Variants in SPTB observed in about 807,000 individuals in gnomAD.
The protein encoded by SPTB is spectrin beta, erythrocytic.
A neutral mutation model predicts 256.2 loss-of-function variants in SPTB; 45 were observed. The observed-to-expected ratio is 0.18, with a 90% CI of 0.14 to 0.23. SPTB has a LOEUF of 0.23. SPTB is among the 10% of genes least tolerant of loss of function. The pLI is 1.00. For synonymous variants in SPTB, 1,231 were observed against 1,243.1 expected (o/e 0.99, Z 0.21); for missense variants, 2,715 against 3,040.4 (o/e 0.89, Z 2.52).
At chr14:64,791,663 AGT>A in intron 15 of SPTB, 54 bp downstream of exon 15, 1 of 1,601,174 alleles carries the variant, frequency 6.2e-7, no homozygotes. Context: ...GGCCCCCAGC[AGT>A]GTGTCAGATG....
rs201491364 is a variant in SPTB, at chr14:64,769,773, C to G, written c.5799-45G>C. 5 of 1,613,454 alleles carry G rather than the reference C, an allele frequency of 3.1e-6. No individual in the cohort carries two copies. The East Asian group carries it at 1.1e-4, about 36-fold the overall frequency. ...GGGAAGAAGGGAACTCTGGGTCACT[C>G]TGGCCTGCCTCTGTGTCCCAACCAG... On this transcript the variant is annotated intron_variant, in intron 27 of 35. Coordinates refer to ENST00000644917, the MANE Select transcript of SPTB (RefSeq NM_001355436.2).
At chr14:64,867,698 A>G in intron 1 of SPTB, among the ~76,000 whole-genome samples, 1 of 152,046 alleles carries the variant, frequency 6.6e-6, no homozygotes, top group East Asian at 1.9e-4. Context: ...TACTAAAAAT[A>G]CAAAAATTAC....
intron 1 of SPTB, among the ~76,000 whole-genome samples, chr14:64,870,302 C>T (rs901102146): frequency 6.6e-6 from 1 of 150,854 alleles, no homozygotes; most frequent in African/African-American, 2.4e-5. Flanking sequence ...CAATCACACA[C>T]ACAAAAAGCC....
At position 64,785,324 on chromosome 14, in the gene SPTB, A is replaced by T. The variant is rs527557959; in HGVS notation, c.3855+213T>A. Among the ~76,000 whole-genome samples, 1 of 152,026 alleles carries T rather than the reference A, an allele frequency of 6.6e-6. No individual in the cohort carries two copies. The highest frequency in any genetic ancestry group is 2.1e-4 in the South Asian group (1 of 4,800). On this transcript the variant is annotated intron_variant, in intron 18 of 35. Transcript: ENST00000644917. The surrounding 1 kb of genome is among the most constrained non-coding windows in gnomAD (Gnocchi z 4.4). ...CTTAAGAAACTCTGGCCTAGACTTG[A>T]CAGGTTAAGGATGACTTTTCAGATT...
rs781286844 is a variant in SPTB, at chr14:64,774,475, G to A, written c.4895C>T (p.Ala1632Val). ...GATGTTCCGGCCGTAGTCCTCCACC[G>A]CACGCTGCTGCCGCAAATGTCGCTT... ...MLKRHLRQQR[A>V]VEDYGRNIKQ... The change falls in exon 24 of 36, where the codon GCG becomes GTG. Residue 1632 changes from alanine (A) to valine (V), a missense_variant. This residue lies in a region of SPTB where 2,239 missense variants were observed against 2,384.4 expected (regional missense o/e 0.94). Transcript: ENST00000644917. 4.9e-5 allele frequency: 77 copies of A among 1,556,626 alleles called. No individual in the cohort carries two copies. The highest frequency in any genetic ancestry group is 6.8e-5 in the African/African-American group (5 of 73,338).
chr14:64,864,145 T>C (rs1273665929), intron 1 of SPTB, among the ~76,000 whole-genome samples: 1 of 152,144 alleles, frequency 6.6e-6, no homozygotes, highest in African/African-American at 2.4e-5. Context: ...GCATAAGATA[T>C]TACACAGCTG....
Position 64,795,493 on chromosome 14 carries a change from C to G in SPTB, c.1488G>C (p.Gln496His), listed in dbSNP as rs2082750924. Residue 496 changes from glutamine (Q) to histidine (H), a missense_variant, in exon 12 of 36, where the codon CAG becomes CAC. This residue lies in a region of SPTB where 2,239 missense variants were observed against 2,384.4 expected (regional missense o/e 0.94). Coordinates refer to ENST00000644917, the MANE Select transcript of SPTB (RefSeq NM_001355436.2). The surrounding 1 kb of genome is among the most constrained non-coding windows in gnomAD (Gnocchi z 6.5). ...QELEKENYHDQKRITARKDNI... is the reference protein window; with the variant it reads ...QELEKENYHDHKRITARKDNI... ...TGTCCTTGCGGGCCGTGATGCGCTTCTGGTCATGGTAGTTCTCTTTCTCCA... is the reference window on the plus strand; with the variant it reads ...TGTCCTTGCGGGCCGTGATGCGCTTGTGGTCATGGTAGTTCTCTTTCTCCA... 1.2e-6 allele frequency: 2 copies of G among 1,614,204 alleles called. No homozygotes were observed. Among genetic ancestry groups the G allele is most frequent in the Non-Finnish European group, 1.7e-6 (2 of 1,180,034 alleles).
chr14:64,800,520 G>A (rs1372979610), intron 8 of SPTB, among the ~76,000 whole-genome samples: 1 of 152,222 alleles, frequency 6.6e-6, no homozygotes, highest in African/African-American at 2.4e-5. Context: ...GGTCTCAGGT[G>A]GACCAGGTGT....
At chr14:64,860,757 T>TAA (rs2139800796) in intron 1 of SPTB, among the ~76,000 whole-genome samples, 1 of 152,300 alleles carries the variant, frequency 6.6e-6, no homozygotes, top group African/African-American at 2.4e-5. Context: ...GGAATGCTTT[T>TAA]ACGATGTTGG....
chr14:64,793,561 T>C lies in SPTB; in HGVS notation c.2102A>G (p.His701Arg), dbSNP rs946135261. 11 of 1,614,020 alleles carry C rather than the reference T, an allele frequency of 6.8e-6. No homozygotes were observed. In the African/African-American group the frequency reaches 8.0e-5, roughly 12 times the overall value. Reference protein sequence around the residue: ...AHLEQIFQEAHGMVARKQFGH... With the variant: ...AHLEQIFQEARGMVARKQFGH... ...AAACTGCTTGCGCGCAACCATGCCA[T>C]GAGCCTCCTGGAAGATCTGCTCCAG... is the stretch of plus-strand genomic sequence containing the variant. Residue 701 changes from histidine to arginine, a missense_variant, in exon 14 of 36, where the codon CAT becomes CGT. This residue lies in a region of SPTB where 2,239 missense variants were observed against 2,384.4 expected (regional missense o/e 0.94). Transcript: ENST00000644917. The surrounding 1 kb of genome is among the most constrained non-coding windows in gnomAD (Gnocchi z 7.0).
intron 7 of SPTB, 69 bp from the exon 8 acceptor site, chr14:64,800,937 T>C (rs886460423): frequency 8.4e-7 from 1 of 1,194,148 alleles, no homozygotes; most frequent in Non-Finnish European, 1.2e-6. Context: ...AGAGGGTTTA[T>C]TCCCCATTCC....
rs2081914942 is a variant in SPTB at position 64,749,760 on chromosome 14, G to A, written c.6777-64C>T. ...TGGAGGGGGCGCTGGGCAGAGGGCT[G>A]GCTCTGATCCCACAATACCCTGAGC... is the stretch of plus-strand genomic sequence containing the variant. On this transcript the variant is annotated intron_variant, in intron 34 of 35. Coordinates refer to ENST00000644917, the MANE Select transcript of SPTB (RefSeq NM_001355436.2). This position sits in a 1 kb window ranked among gnomAD's most constrained non-coding sequence, Gnocchi z 4.7. 6.3e-7 allele frequency: 1 copy of A among 1,586,712 alleles called. No homozygotes were observed. Among genetic ancestry groups the A allele is most frequent in the African/African-American group, 1.3e-5 (1 of 74,256 alleles).
rs2083709499 is a variant in SPTB, at chr14:64,847,348, C to G, written c.-51-24203G>C. Among the ~76,000 whole-genome samples, 4 of 152,190 alleles carry G rather than the reference C, an allele frequency of 2.6e-5. No homozygotes were observed. Among genetic ancestry groups the G allele is most frequent in the African/African-American group, 7.2e-5 (3 of 41,442 alleles). ...AGAATGGGCGGAACAAATCAGACAG[C>G]CCTCTTCCAAGTGTCGTATCATGTC... On this transcript the variant is annotated intron_variant, in intron 1 of 35. Transcript: ENST00000644917. This position sits in a 1 kb window ranked among gnomAD's most constrained non-coding sequence, Gnocchi z 5.9.
chr14:64,796,760 G>A lies in SPTB; in HGVS notation c.1183-45C>T. ...AGAATTCTTGGGGCACAGGAGAAATGCCTCACTTTGGGGGCTCCACCCCTT... is the reference window on the plus strand; with the variant it reads ...AGAATTCTTGGGGCACAGGAGAAATACCTCACTTTGGGGGCTCCACCCCTT... On this transcript the variant is annotated intron_variant, in intron 10 of 35. Coordinates refer to ENST00000644917, the MANE Select transcript of SPTB (RefSeq NM_001355436.2). This position sits in a 1 kb window ranked among gnomAD's most constrained non-coding sequence, Gnocchi z 4.1. The A allele has an allele frequency of 6.2e-7, 1 of 1,612,562 alleles. No individual in the cohort carries two copies. The highest frequency in any genetic ancestry group is 1.1e-5 in the South Asian group (1 of 91,046).
At chr14:64,763,837 G>A (rs754266155) in intron 32 of SPTB, 6 of 518,866 alleles carry the variant, frequency 1.2e-5, no homozygotes, top group Non-Finnish European at 2.3e-5. Flanking sequence ...GTGGGACCGT[G>A]CAGTGATGTG....
At position 64,822,545 on chromosome 14, in the gene SPTB, C is replaced by G. The variant is rs556793407; in HGVS notation, c.148+402G>C. ...TATCCAATCACTCCTTTTGGGACTACAGAGAGGACTATGGTAATTCCTCTC... is the reference window on the plus strand; with the variant it reads ...TATCCAATCACTCCTTTTGGGACTAGAGAGAGGACTATGGTAATTCCTCTC... On this transcript the variant is annotated intron_variant, in intron 2 of 35. Coordinates refer to ENST00000644917, the MANE Select transcript of SPTB (RefSeq NM_001355436.2). 7.2e-5 allele frequency among the ~76,000 whole-genome samples: 11 copies of G among 152,108 alleles called. 1 individual carries two copies. The South Asian group carries it at 1.7e-3, about 23-fold the overall frequency.
intron 2 of SPTB, among the ~76,000 whole-genome samples, chr14:64,805,865 G>A (rs1409693799): frequency 2.0e-5 from 3 of 152,196 alleles, no homozygotes; most frequent in South Asian, 2.1e-4. Flanking sequence ...GACTCATGTG[G>A]GGGTAAGGAT....
intron 6 of SPTB, 88 bp downstream of exon 6, chr14:64,801,666 T>A (rs192257041): frequency 2.3e-5 from 31 of 1,340,570 alleles, no homozygotes; most frequent in Non-Finnish European, 3.2e-5. Flanking sequence ...AGGTCACATT[T>A]CTGTGACTCC....
chr14:64,780,898 T>TCC (rs2082458458), intron 20 of SPTB, among the ~76,000 whole-genome samples: 1 of 151,544 alleles, frequency 6.6e-6, no homozygotes, highest in Non-Finnish European at 1.5e-5. Flanking sequence ...TGGAACAGAG[T>TCC]AGAGAGTCCA....
Sources: allele counts gnomAD v4.1 joint callset (sites outside exome capture counted in the v4.1 genomes callset), GRCh38; gene constraint gnomAD v4.1.1; regional missense constraint gnomAD v4.1.1; non-coding constraint Gnocchi (gnomAD v3.1); transcripts MANE v1.5; gene names NCBI Gene and HGNC (gene_info 2026-07-23, HGNC 2026-07-21).